Variants in SMPD3 observed in about 807,000 individuals in gnomAD.
The protein encoded by SMPD3 is sphingomyelin phosphodiesterase 3, also known as nSMase-2.
A neutral mutation model predicts 55.7 loss-of-function variants in SMPD3; 21 were observed. The ratio of observed to expected loss-of-function variants is 0.38; its 90% CI spans 0.27 to 0.54. The LOEUF is 0.54. Ranked by LOEUF, SMPD3 falls within the 20% of genes least tolerant of loss-of-function variation. The pLI, the probability that SMPD3 is intolerant of heterozygous loss-of-function variation, is 0.80. For synonymous variants in SMPD3, 457 were observed against 404.3 expected (o/e 1.13, Z -1.56); for missense variants, 842 against 899.6 (o/e 0.94, Z 0.82).
intron 1 of SMPD3, among the ~76,000 whole-genome samples, chr16:68,430,688 G>T (rs2090472662): frequency 6.6e-6 from 1 of 152,202 alleles, no homozygotes. Context: ...ACATGGAAGA[G>T]AATTTGGAAA....
intron 1 of SMPD3, among the ~76,000 whole-genome samples, chr16:68,435,052 C>T (rs568010084): frequency 3.9e-5 from 6 of 152,180 alleles, no homozygotes; most frequent in East Asian, 3.9e-4. Flanking sequence ...GGGTGGGAGG[C>T]GTGGCAGAAA....
chr16:68,373,362 T>G (rs2089724091), intron 2 of SMPD3, among the ~76,000 whole-genome samples: 1 of 152,238 alleles, frequency 6.6e-6, no homozygotes, highest in African/African-American at 2.4e-5. Flanking sequence ...GACAAGCTTC[T>G]GGAGTGTTTG....
intron 2 of SMPD3, among the ~76,000 whole-genome samples, chr16:68,385,672 C>T (rs765752587): frequency 2.6e-5 from 4 of 152,316 alleles, no homozygotes; most frequent in South Asian, 2.1e-4. Context: ...TGGGCTCTTA[C>T]AGTAGTCTTG....
rs532054532 is a variant in SMPD3 at position 68,407,339 on chromosome 16, C to A, written c.-268-20680G>T. Among the ~76,000 whole-genome samples the A allele has an allele frequency of 1.6e-4, 24 of 152,274 alleles. No homozygotes were observed. In the South Asian group the frequency reaches 5.0e-3, roughly 32 times the overall value. On this transcript the variant is annotated intron_variant, in intron 1 of 8. Transcript: ENST00000219334. ...GCTCTTAGGCATAAATTAAAGCTAT[C>A]CTTCCTGGAAAAGAATAATTTAAAT...
chr16:68,435,609 T>C (rs924918701), intron 1 of SMPD3, among the ~76,000 whole-genome samples: 3 of 139,242 alleles, frequency 2.2e-5, no homozygotes, highest in African/African-American at 8.1e-5. Flanking sequence ...CTGGCTGGGG[T>C]GGGAGGGACA....
rs1001255032 is a variant in SMPD3, at chr16:68,360,363, A to ATACTC, written c.*838_*842dup. On this transcript the variant is annotated 3_prime_UTR_variant, in exon 9 of 9. Transcript: ENST00000219334. ...CTTCTTCCTGTAAAAAAAAAAGTGG[A>ATACTC]TACTCTCTTCTCGGATCCCCGTTTA... is the stretch of plus-strand genomic sequence containing the variant. 1.3e-5 allele frequency: 2 copies of ATACTC among 150,392 alleles called. No individual in the cohort carries two copies. The highest frequency in any genetic ancestry group is 2.9e-5 in the Non-Finnish European group (2 of 67,804). The allele number at this position is 150,392 out of a possible 1,614,324, so 9.3% of individuals were successfully genotyped here.
chr16:68,361,749 T>G lies in SMPD3; in HGVS notation c.1720A>C (p.Ser574Arg), dbSNP rs767546455. The G allele has an allele frequency of 1.9e-6, 3 of 1,612,152 alleles. No homozygotes were observed. Among genetic ancestry groups the G allele is most frequent in the Non-Finnish European group, 2.5e-6 (3 of 1,179,800 alleles). The change falls in exon 8 of 9, where the codon AGT becomes CGT. Residue 574 changes from serine (S) to arginine (R), a missense_variant. By Grantham distance (110) the Ser-to-Arg change is moderately radical. Coordinates refer to ENST00000219334, the MANE Select transcript of SMPD3 (RefSeq NM_018667.4). ...AGGTACTCCCTGCGGCCCTCCTCAC[T>G]CTCCAGGACCCTGTCCACACATGCA... ...TPDNLQKVLE[S>R]EEGRREYLAF...
rs191852865 is a variant in SMPD3 at position 68,371,237 on chromosome 16, C to T, written c.945G>A (p.Gly315=). 636 of 1,606,446 alleles carry T rather than the reference C, an allele frequency of 4.0e-4. 4 individuals carry two copies. In the East Asian group the frequency reaches 0.012, roughly 30 times the overall value. ...GGAGCTTGCTGTTGGCACCTGGCTC[C>T]CCGCTGGCACTGGTGTCTGGCCCAG... ...GRAGPDTSAS[G]EPGANSKLLY... Residue 315 remains glycine (G), a synonymous_variant, in exon 3 of 9, where the codon GGG becomes GGA. Transcript: ENST00000219334.
intron 1 of SMPD3, among the ~76,000 whole-genome samples, chr16:68,417,443 ACAAAGCCCCCT>A (rs2090348512): frequency 1.3e-5 from 2 of 152,168 alleles, no homozygotes; most frequent in African/African-American, 4.8e-5. Context: ...GGGGCTGCTG[ACAAAGCCCCCT>A]CAATTGTTCT....
rs781487263 is a variant in SMPD3 at position 68,359,620 on chromosome 16, T to TGACAGCA, written c.*1579_*1585dup. The stretch of plus-strand genomic sequence containing the variant: ...TCAGGGCACCAGCACCAGGAGGGGC[T>TGACAGCA]GACAGCAGACAGCAGGTCCTGGTGC... On this transcript the variant is annotated 3_prime_UTR_variant, in exon 9 of 9. Coordinates refer to ENST00000219334, the MANE Select transcript of SMPD3 (RefSeq NM_018667.4). 1 of 152,706 alleles carries TGACAGCA rather than the reference T, an allele frequency of 6.5e-6. No individual in the cohort carries two copies. The highest frequency in any genetic ancestry group is 2.4e-5 in the African/African-American group (1 of 41,452). The allele number at this position is 152,706 out of a possible 1,614,324, so 9.5% of individuals were successfully genotyped here.
At chr16:68,433,817 G>T (rs994917581) in intron 1 of SMPD3, among the ~76,000 whole-genome samples, 3 of 151,704 alleles carry the variant, frequency 2.0e-5, no homozygotes, top group Non-Finnish European at 4.4e-5. Context: ...TCAAATCTTG[G>T]AAATTCTAAA....
chr16:68,417,796 G>T (rs1017320968), intron 1 of SMPD3, among the ~76,000 whole-genome samples: 1 of 152,144 alleles, frequency 6.6e-6, no homozygotes, highest in Non-Finnish European at 1.5e-5. Context: ...CTCAAACCCT[G>T]CGTGGAATGA....
intron 1 of SMPD3, among the ~76,000 whole-genome samples, chr16:68,431,004 G>C (rs1283054259): frequency 6.6e-6 from 1 of 152,192 alleles, no homozygotes; most frequent in Non-Finnish European, 1.5e-5. Flanking sequence ...GCCAGTCCCT[G>C]TGCAGGGAGT....
At position 68,364,713 on chromosome 16, in the gene SMPD3, A is replaced by G. The variant is rs2089422649; in HGVS notation, c.1555+38T>C. 2.5e-6 allele frequency: 4 copies of G among 1,588,140 alleles called. No individual in the cohort carries two copies. The East Asian group carries it at 9.0e-5, about 36-fold the overall frequency. The stretch of plus-strand genomic sequence containing the variant: ...CTGTGACTGAGCCCACAGCCTCCCC[A>G]GAGCTGGAGACCTGAGTGGGGAGGA... On this transcript the variant is annotated intron_variant, in intron 5 of 8. Transcript: ENST00000219334.
chr16:68,429,153 C>A (rs930237218), intron 1 of SMPD3, among the ~76,000 whole-genome samples: 4 of 152,208 alleles, frequency 2.6e-5, no homozygotes, highest in Non-Finnish European at 5.9e-5. Flanking sequence ...CATGGAAGCC[C>A]CAGGGCTGGA....
At chr16:68,412,321 C>T (rs1006179336) in intron 1 of SMPD3, among the ~76,000 whole-genome samples, 2 of 152,102 alleles carry the variant, frequency 1.3e-5, no homozygotes, top group Non-Finnish European at 2.9e-5. Flanking sequence ...TGGGAGTGGG[C>T]GGGGAGGAAA....
At chr16:68,428,827 G>A (rs930204675) in intron 1 of SMPD3, among the ~76,000 whole-genome samples, 1 of 152,162 alleles carries the variant, frequency 6.6e-6, no homozygotes, top group African/African-American at 2.4e-5. Flanking sequence ...GACACAGATG[G>A]TCATGCACAG....
intron 1 of SMPD3, among the ~76,000 whole-genome samples, chr16:68,432,537 C>T (rs529914452): frequency 6.6e-6 from 1 of 152,312 alleles, no homozygotes; most frequent in Non-Finnish European, 1.5e-5. Context: ...AATTAACATA[C>T]CACATCAGTG....
chr16:68,373,983 G>A (rs1212491577), intron 2 of SMPD3, among the ~76,000 whole-genome samples: 1 of 152,230 alleles, frequency 6.6e-6, no homozygotes, highest in Admixed American at 6.5e-5. Context: ...TGCCCCGGTG[G>A]CTTAGGTGTC....
Sources: gnomAD v4.1 joint callset for allele counts (sites outside exome capture counted in the v4.1 genomes callset) on GRCh38, gnomAD v4.1.1 for gene constraint, MANE v1.5 for transcripts, NCBI Gene and HGNC (gene_info 2026-07-23, HGNC 2026-07-21) for gene names.